The following EPS8L2 variants were observed in gnomAD, a reference collection of about 807,000 sequenced individuals.
EPS8L2 encodes the protein epidermal growth factor receptor kinase substrate 8-like protein 2.
Under a neutral mutation model 99.4 loss-of-function variants are expected in EPS8L2, and 81 were observed. The observed-to-expected ratio is 0.82, with a 90% CI of 0.68 to 0.98. The LOEUF (loss-of-function observed/expected upper bound fraction) is 0.98, where lower values mean the gene tolerates loss of function less well. Among genes scored for constraint, EPS8L2 ranks in the 50% least tolerant of loss-of-function variants. EPS8L2 has a pLI of 0.00. For missense variants in EPS8L2, 1,155 were observed against 968.8 expected (o/e 1.19, Z -2.55); for synonymous variants, 509 against 407.3 (o/e 1.25, Z -3.01).
chr11:715,057 A>G (rs540400703), intron 4 of EPS8L2, among the ~76,000 whole-genome samples: 4 of 152,244 alleles, frequency 2.6e-5, no homozygotes, highest in Admixed American at 1.3e-4. Flanking sequence ...TCTGGCTAAC[A>G]TGGTGAAACC....
intron 4 of EPS8L2, among the ~76,000 whole-genome samples, chr11:715,618 G>GTTTTTTTT (rs929222502): frequency 8.3e-6 from 1 of 120,036 alleles, no homozygotes; most frequent in Non-Finnish European, 1.7e-5. Flanking sequence ...TTTTTCTTTT[G>GTTTTTTTT]TTTTTTTTTT....
intron 1 of EPS8L2, among the ~76,000 whole-genome samples, chr11:707,453 C>T (rs1861756734): frequency 6.6e-6 from 1 of 152,178 alleles, no homozygotes; most frequent in African/African-American, 2.4e-5. Context: ...CCTCTACCCT[C>T]CTGCCCTGCT....
intron 4 of EPS8L2, among the ~76,000 whole-genome samples, chr11:716,576 TTTC>T (rs1344040733): frequency 6.6e-4 from 101 of 152,188 alleles, no homozygotes; most frequent in African/African-American, 2.3e-3. Flanking sequence ...ATCTTAAGTC[TTTC>T]TTCTTTTCTA....
intron 4 of EPS8L2, among the ~76,000 whole-genome samples, chr11:718,536 G>A (rs1240367120): frequency 6.7e-6 from 1 of 148,500 alleles, no homozygotes; most frequent in African/African-American, 2.5e-5. Context: ...CCCAGGCTCA[G>A]TGCAGTGGCA....
intron 4 of EPS8L2, among the ~76,000 whole-genome samples, chr11:714,948 G>A (rs1304483692): frequency 6.6e-6 from 1 of 152,056 alleles, no homozygotes; most frequent in Middle Eastern, 3.2e-3. Flanking sequence ...TCTGTTTTCA[G>A]AAAGAGTTTG....
chr11:718,690 A>G (rs1862078787), intron 4 of EPS8L2, among the ~76,000 whole-genome samples: 1 of 141,734 alleles, frequency 7.1e-6, no homozygotes, highest in Non-Finnish European at 1.5e-5. Context: ...TTTTTTTGAG[A>G]TGGAGTCTCA....
chr11:721,093 A>AG lies in EPS8L2; in HGVS notation c.588dup (p.Ser197ValfsTer115). ...CACCAGGAGAAGATTCGGCAGCGGC[A>AG]GTCCATCCTGCCTCCTCCCCAGGGC... On this transcript the variant is annotated frameshift_variant, in exon 8 of 21. Coordinates refer to ENST00000318562, the MANE Select transcript of EPS8L2 (RefSeq NM_022772.4). LOFTEE classifies it high-confidence loss of function. 1 of 1,514,178 alleles carries AG rather than the reference A, an allele frequency of 6.6e-7. No homozygotes were observed. The highest frequency in any genetic ancestry group is 8.8e-7 in the Non-Finnish European group (1 of 1,132,248). 93.8% of individuals were successfully genotyped at this position (1,514,178 alleles called of 1,614,324 possible).
chr11:723,340 C>T lies in EPS8L2; in HGVS notation c.1441C>T (p.Pro481Ser), dbSNP rs1245026471. 2 of 1,545,428 alleles carry T rather than the reference C, an allele frequency of 1.3e-6. No individual in the cohort carries two copies. Among genetic ancestry groups the T allele is most frequent in the Non-Finnish European group, 1.8e-6 (2 of 1,135,188 alleles). Residue 481 changes from proline (P) to serine (S), a missense_variant, in exon 15 of 21, where the codon CCA (proline) becomes TCA (serine). Physicochemically the swap from Pro to Ser is moderately conservative, Grantham distance 74. Transcript: ENST00000318562. ...GGATGCCCTACCACCAGTCAGCTCC[C>T]CACATACTCACAGGTAAGCCCCCCT... Reference protein sequence around the residue: ...PGDALPPVSSPHTHRGYQPTP... With the variant: ...PGDALPPVSSSHTHRGYQPTP...
chr11:715,014 G>A (rs1011008307), intron 4 of EPS8L2, among the ~76,000 whole-genome samples: 31 of 152,192 alleles, frequency 2.0e-4, no homozygotes, highest in Middle Eastern at 3.4e-3. Context: ...AGGCTGAGGT[G>A]GGCAGATCAC....
rs183629001 is a variant in EPS8L2 at position 720,161 on chromosome 11, A to C, written c.265A>C (p.Thr89Pro). The C allele has an allele frequency of 6.2e-7, 1 of 1,613,418 alleles. No homozygotes were observed. Among genetic ancestry groups the C allele is most frequent in the Non-Finnish European group, 8.5e-7 (1 of 1,179,920 alleles). Reference protein sequence around the residue: ...VQLSSKEKIWTQEMLLQVNDQ... With the variant: ...VQLSSKEKIWPQEMLLQVNDQ... The stretch of plus-strand genomic sequence containing the variant: ...GCTGAGCTCCAAGGAGAAGATCTGG[A>C]CCCAGGAGATGCTGCTGCAGGTGAA... The change falls in exon 5 of 21, where the codon ACC becomes CCC. Residue 89 changes from threonine (T) to proline (P), a missense_variant. Physicochemically the swap from Thr to Pro is conservative, Grantham distance 38. Transcript: ENST00000318562.
In EPS8L2 at chr11:723,224, G is replaced by A. The variant is rs551881721; in HGVS notation, c.1342-17G>A. 2.0e-5 allele frequency: 31 copies of A among 1,520,280 alleles called. No homozygotes were observed. The highest frequency in any genetic ancestry group is 9.3e-5 in the East Asian group (4 of 43,052). The allele number at this position is 1,520,280 out of a possible 1,614,324, so 94.2% of individuals were successfully genotyped here. ...CCCCGCCCCATGTCTAACTCAGGTC[G>A]CCCACCTTCCCCACAGGTGAGTCCA... On this transcript the variant is annotated splice_polypyrimidine_tract_variant and intron_variant, in intron 14 of 20. Coordinates refer to ENST00000318562, the MANE Select transcript of EPS8L2 (RefSeq NM_022772.4).
At chr11:711,242 G>T (rs1177703602) in intron 4 of EPS8L2, among the ~76,000 whole-genome samples, 1 of 98,148 alleles carries the variant, frequency 1.0e-5, no homozygotes, top group Non-Finnish European at 2.1e-5. Context: ...GGGGTTTTGT[G>T]TGCGTGTGTG....
At chr11:709,228 AC>A in intron 1 of EPS8L2, 101 bp from the exon 2 acceptor site, 1 of 705,954 alleles carries the variant, frequency 1.4e-6, no homozygotes, top group Non-Finnish European at 2.3e-6. Flanking sequence ...CCCCCAAGGG[AC>A]CCCCACCCAG....
intron 7 of EPS8L2, 55 bp from the exon 8 acceptor site, chr11:721,009 A>AGGGGAGGAGCCCGGCAGGGC: frequency 1.1e-6 from 1 of 878,234 alleles, no homozygotes; most frequent in Non-Finnish European, 1.5e-6. Context: ...CCCGGCAGGG[A>AGGGGAGGAGCCCGGCAGGGC]GGGAGGGTCA....
intron 1 of EPS8L2, 135 bp from the exon 2 acceptor site, chr11:709,195 G>GGGAC (rs2133497425): frequency 3.2e-6 from 2 of 622,626 alleles, no homozygotes; most frequent in East Asian, 5.5e-5. Flanking sequence ...GGGGCCAACT[G>GGGAC]GGATGTCGGG....
chr11:720,958 C>CCGGCAGGGGAGGGGAGGAG (rs1564975746), intron 7 of EPS8L2, 49 bp downstream of exon 7: 420 of 1,016,354 alleles, frequency 4.1e-4, no homozygotes, highest in African/African-American at 3.3e-3. Flanking sequence ...AGGGGAGGAG[C>CCGGCAGGGGAGGGGAGGAG]CCGGCAGGGG....
At position 722,871 on chromosome 11, in the gene EPS8L2, C is replaced by T. The variant is rs1450088489; in HGVS notation, c.1341+66C>T. The T allele has an allele frequency of 1.3e-4, 143 of 1,127,334 alleles. 1 individual carries two copies. Among genetic ancestry groups the T allele is most frequent in the South Asian group, 6.2e-4 (40 of 65,004 alleles). The allele number at this position is 1,127,334 out of a possible 1,614,324, so 69.8% of individuals were successfully genotyped here. The stretch of plus-strand genomic sequence containing the variant: ...CACCCACTCCTCACCAGAGCTCCCC[C>T]CCAGCCCTGACACCCACCCCTCCCC... On this transcript the variant is annotated intron_variant, in intron 14 of 20. Coordinates refer to ENST00000318562, the MANE Select transcript of EPS8L2 (RefSeq NM_022772.4).
Position 726,355 on chromosome 11 carries a change from GCAA to G in EPS8L2, c.1808_1810del (p.Asn603del). On this transcript the variant is annotated inframe_deletion, in exon 19 of 21. Coordinates refer to ENST00000318562, the MANE Select transcript of EPS8L2 (RefSeq NM_022772.4). Reference sequence around the variant, plus strand: ...AACGACGAGCTCATCCGGAAAATCAGCAACATCAGGGCGCAGCCACAGAGGCAC... The same window carrying G: ...AACGACGAGCTCATCCGGAAAATCAGCATCAGGGCGCAGCCACAGAGGCAC... 1 of 1,611,050 alleles carries G rather than the reference GCAA, an allele frequency of 6.2e-7. No homozygotes were observed. The highest frequency in any genetic ancestry group is 1.1e-5 in the South Asian group (1 of 90,814).
chr11:720,660 C>T lies in EPS8L2; in HGVS notation c.391C>T (p.Arg131Cys). 1 of 1,597,170 alleles carries T rather than the reference C, an allele frequency of 6.3e-7. No homozygotes were observed. The highest frequency in any genetic ancestry group is 1.1e-5 in the South Asian group (1 of 88,086). Residue 131 changes from arginine (R) to cysteine (C), a missense_variant, in exon 6 of 21, where the codon CGC becomes TGC. Transcript: ENST00000318562. ...QRSQTVLNQL[R>C]YPSVLLLVCQ... ...CAGCCAGACGGTCCTCAACCAGCTG[C>T]GCTACCCGTCTGTGCTGCTGCTCGT...
Sources: allele counts gnomAD v4.1 joint callset (sites outside exome capture counted in the v4.1 genomes callset), GRCh38; gene constraint gnomAD v4.1.1; transcripts MANE v1.5; gene names NCBI Gene and HGNC (gene_info 2026-07-23, HGNC 2026-07-21).